Variants in AGBL1 observed in about 807,000 individuals in gnomAD.
AGBL1 encodes the protein cytosolic carboxypeptidase 4.
In AGBL1, 130 loss-of-function variants were observed where a neutral mutation model predicts 118.9. The observed-to-expected ratio is 1.09, with a 90% CI of 0.95 to 1.26. The LOEUF is 1.26. Ranked by LOEUF, AGBL1 falls within the 50% of genes most tolerant of loss-of-function variation. The pLI is 0.00. For missense variants in AGBL1, 1,584 were observed against 1,298.1 expected, an observed-to-expected ratio of 1.22 and a Z score of -3.38; for synonymous variants, 555 against 478.9, an observed-to-expected ratio of 1.16 and a Z score of -2.08.
chr15:86,148,534 A>T (rs2077062717), intron 3 of AGBL1, among the ~76,000 whole-genome samples: 1 of 152,230 alleles, frequency 6.6e-6, no homozygotes, highest in Non-Finnish European at 1.5e-5. Context: ...TCAGTGACTG[A>T]AGATCAAATT....
chr15:87,017,984 G>A (rs1221317970), intron 24 of AGBL1, among the ~76,000 whole-genome samples: 7 of 152,102 alleles, frequency 4.6e-5, no homozygotes, highest in African/African-American at 1.7e-4. Context: ...AACATAACAC[G>A]AGAAATTTAC....
In AGBL1 at chr15:86,563,632, G is replaced by A. The variant is rs1000300575; in HGVS notation, c.2994+9095G>A. Reference sequence around the variant, plus strand: ...GTTGATTTGGGGTGGATGGTTATGTGGATGTCTGTTAGGTCCATTTGGTGC... The same window carrying A: ...GTTGATTTGGGGTGGATGGTTATGTAGATGTCTGTTAGGTCCATTTGGTGC... On this transcript the variant is annotated intron_variant, in intron 21 of 22. Coordinates refer to ENST00000614907, the MANE Select transcript of AGBL1 (RefSeq NM_001386094.1). Among the ~76,000 whole-genome samples, 3 of 152,070 alleles carry A rather than the reference G, an allele frequency of 2.0e-5. No homozygotes were observed. The South Asian group carries it at 6.2e-4, about 32-fold the overall frequency.
chr15:86,913,866 C>A lies in AGBL1; in HGVS notation c.*6572C>A, dbSNP rs2080384786. ...TCCTGCCTAGGTGGCAGAGTGAGACCCTGTACTCTGTCTAAAAGTAAATAA... is the reference window on the plus strand; with the variant it reads ...TCCTGCCTAGGTGGCAGAGTGAGACACTGTACTCTGTCTAAAAGTAAATAA... On this transcript the variant is annotated 3_prime_UTR_variant, in exon 23 of 23. Transcript: ENST00000614907. The A allele has an allele frequency of 6.6e-6, 1 of 152,012 alleles. No individual in the cohort carries two copies. Among genetic ancestry groups the A allele is most frequent in the East Asian group, 1.9e-4 (1 of 5,174 alleles). The allele number at this position is 152,012 out of a possible 1,614,324, so 9.4% of individuals were successfully genotyped here.
chr15:86,974,504 GAATATAAATATATATAATATATATTA>G lies in AGBL1; in HGVS notation c.3222-13476_3222-13451del, dbSNP rs1157457641. Among the ~76,000 whole-genome samples, 259 of 116,958 alleles carry G rather than the reference GAATATAAATATATATAATATATATTA, an allele frequency of 2.2e-3. 4 individuals are homozygous for G. Among genetic ancestry groups the G allele is most frequent in the African/African-American group, 7.9e-3 (246 of 30,998 alleles). 76.7% of individuals were successfully genotyped at this position (116,958 alleles called of 152,430 possible). On this transcript the variant is annotated intron_variant, in intron 23 of 24. Transcript: ENST00000441037. ...TGAATATAAACATATTTTATATATT[GAATATAAATATATATAATATATATTA>G]AATATATAAAAATTATATAATTATA...
chr15:86,968,080 T>A (rs1314879576), intron 23 of AGBL1, among the ~76,000 whole-genome samples: 1 of 151,932 alleles, frequency 6.6e-6, no homozygotes, highest in Non-Finnish European at 1.5e-5. Flanking sequence ...CTCTTTTATG[T>A]TGCAGAGTGG....
At chr15:86,866,471 G>T (rs2079631836) in intron 22 of AGBL1, among the ~76,000 whole-genome samples, 1 of 152,130 alleles carries the variant, frequency 6.6e-6, no homozygotes, top group African/African-American at 2.4e-5. Context: ...TCTACTTCTT[G>T]CATAAGTCTT....
chr15:86,109,376 C>T (rs1298576549), intron 1 of AGBL1, among the ~76,000 whole-genome samples: 1 of 152,114 alleles, frequency 6.6e-6, no homozygotes, highest in Non-Finnish European at 1.5e-5. Flanking sequence ...ACAAGCTTCA[C>T]AAAATCAGAA....
chr15:86,683,533 A>G (rs2085999627), intron 22 of AGBL1, among the ~76,000 whole-genome samples: 1 of 152,222 alleles, frequency 6.6e-6, no homozygotes, highest in Admixed American at 6.5e-5. Flanking sequence ...CAGGGAATCT[A>G]AGTGACTTGC....
At chr15:86,193,035 G>T (rs1432308875) in intron 5 of AGBL1, among the ~76,000 whole-genome samples, 3 of 152,108 alleles carry the variant, frequency 2.0e-5, no homozygotes, top group Admixed American at 6.5e-5. Flanking sequence ...ATTAAAAAAA[G>T]TATTTTTTAG....
chr15:86,789,177 G>A (rs116115044), intron 22 of AGBL1, among the ~76,000 whole-genome samples: 57 of 152,296 alleles, frequency 3.7e-4, no homozygotes, highest in African/African-American at 1.4e-3. Flanking sequence ...ATGATGTCTG[G>A]GCTCAGCCCA....
intron 22 of AGBL1, among the ~76,000 whole-genome samples, chr15:86,714,754 T>C (rs184201933): frequency 1.4e-4 from 22 of 152,200 alleles, no homozygotes; most frequent in Admixed American, 1.4e-3. Context: ...CTGATGCTTC[T>C]AGGCTTCATT....
intron 22 of AGBL1, among the ~76,000 whole-genome samples, chr15:86,781,407 C>A (rs1403441890): frequency 6.6e-6 from 1 of 152,096 alleles, no homozygotes; most frequent in Non-Finnish European, 1.5e-5. Context: ...CAATGTAACA[C>A]CTCCTTTGTG....
chr15:86,693,932 C>T (rs569601135), intron 22 of AGBL1, among the ~76,000 whole-genome samples: 2 of 152,194 alleles, frequency 1.3e-5, no homozygotes, highest in South Asian at 2.1e-4. Flanking sequence ...TATGGATTCT[C>T]TATTCTGTTC....
chr15:86,798,375 A>C (rs1374509249), intron 22 of AGBL1, among the ~76,000 whole-genome samples: 2 of 152,134 alleles, frequency 1.3e-5, no homozygotes, highest in Non-Finnish European at 2.9e-5. Context: ...GAATCAATCT[A>C]TAATGTCTGC....
intron 24 of AGBL1, among the ~76,000 whole-genome samples, chr15:87,015,961 G>C (rs2081604943): frequency 6.6e-6 from 1 of 152,134 alleles, no homozygotes; most frequent in African/African-American, 2.4e-5. Flanking sequence ...CACATAAGCA[G>C]CTGTTTTAAG....
intron 17 of AGBL1, among the ~76,000 whole-genome samples, chr15:86,387,119 G>T (rs909422728): frequency 3.3e-5 from 5 of 152,280 alleles, no homozygotes; most frequent in Admixed American, 3.3e-4. Context: ...ATGGTGAGTT[G>T]TACACAGTTG....
At chr15:86,419,406 T>C (rs1446023021) in intron 18 of AGBL1, among the ~76,000 whole-genome samples, 1 of 152,092 alleles carries the variant, frequency 6.6e-6, no homozygotes, top group Non-Finnish European at 1.5e-5. Context: ...CACTGTGCCA[T>C]GAGGAATGAT....
chr15:86,644,536 G>T (rs557482707), intron 21 of AGBL1, among the ~76,000 whole-genome samples: 2 of 150,350 alleles, frequency 1.3e-5, no homozygotes, highest in East Asian at 3.9e-4. Context: ...GATAAGTTTT[G>T]TTTGTTTTTG....
At chr15:86,163,351 C>T (rs1337623536) in intron 5 of AGBL1, among the ~76,000 whole-genome samples, 1 of 152,080 alleles carries the variant, frequency 6.6e-6, no homozygotes, top group African/African-American at 2.4e-5. Flanking sequence ...GTTGCTTGGG[C>T]CCAGGAGTTT....
Sources: allele counts gnomAD v4.1 joint callset (sites outside exome capture counted in the v4.1 genomes callset), GRCh38; gene constraint gnomAD v4.1.1; transcripts MANE v1.5; gene names NCBI Gene and HGNC (gene_info 2026-07-23, HGNC 2026-07-21).